Variants in SORBS2 observed in about 807,000 individuals in gnomAD.
The protein encoded by SORBS2 is sorbin and SH3 domain-containing protein 2.
Under a neutral mutation model 97.7 loss-of-function variants are expected in SORBS2, and 46 were observed. That is an observed-to-expected ratio of 0.47 (90% CI 0.37 to 0.60). The LOEUF (loss-of-function observed/expected upper bound fraction) is 0.60. Among genes scored for constraint, SORBS2 ranks in the 20% least tolerant of loss-of-function variants. The probability of loss-of-function intolerance (pLI) is 0.00; values close to 1 mark genes in which losing one functional copy is unlikely to be tolerated. For missense variants in SORBS2, 1,316 were observed against 1,282.3 expected (o/e 1.03, Z -0.40); for synonymous variants, 476 against 473.4 (o/e 1.01, Z -0.07).
chr4:185,893,574 A>G (rs1405778060), intron 1 of SORBS2, among the ~76,000 whole-genome samples: 1 of 152,218 alleles, frequency 6.6e-6, no homozygotes, highest in Non-Finnish European at 1.5e-5. Context: ...CCATAAAACA[A>G]ACTGACAATA....
chr4:185,860,962 G>C (rs74873362), intron 1 of SORBS2, among the ~76,000 whole-genome samples: 2 of 152,150 alleles, frequency 1.3e-5, no homozygotes, highest in South Asian at 4.1e-4. Flanking sequence ...TTCTCTCTTG[G>C]ATCATGGAAA....
At chr4:185,588,600 C>CCTCCTCCCTCCTCCTCCTT (rs2095845591) in intron 14 of SORBS2, among the ~76,000 whole-genome samples, 1 of 150,652 alleles carries the variant, frequency 6.6e-6, no homozygotes, top group African/African-American at 2.4e-5. Context: ...CCTCCCTCCT[C>CCTCCTCCCTCCTCCTCCTT]CTCCTCCCTC....
intron 2 of SORBS2, among the ~76,000 whole-genome samples, chr4:185,698,980 G>A (rs566934876): frequency 7.9e-5 from 12 of 152,078 alleles, no homozygotes; most frequent in African/African-American, 2.7e-4. Context: ...CCTGCTTATT[G>A]TTAATTCACT....
In SORBS2 at chr4:185,613,988, G is replaced by A. The variant is rs868790383; in HGVS notation, c.2595+843C>T. On this transcript the variant is annotated intron_variant, in intron 11 of 14. Coordinates refer to ENST00000418609, the Ensembl canonical transcript of SORBS2. Reference sequence around the variant, plus strand: ...CTGGCTAAGGATTTCACTAGTAGGTGTGGGAGGTCCTAGAGCCACTCTAAA... The same window carrying A: ...CTGGCTAAGGATTTCACTAGTAGGTATGGGAGGTCCTAGAGCCACTCTAAA... 5.9e-5 allele frequency among the ~76,000 whole-genome samples: 9 copies of A among 152,294 alleles called. No individual in the cohort carries two copies. The Middle Eastern group carries it at 0.01, about 173-fold the overall frequency.
chr4:185,678,357 G>A (rs1387542680), intron 4 of SORBS2, 66 bp downstream of exon 7: 2 of 1,312,518 alleles, frequency 1.5e-6, no homozygotes, highest in South Asian at 1.7e-5. Context: ...TAGGAAAGAG[G>A]CTGTAAGCAG....
At chr4:185,641,734 A>AT (rs537724541) in intron 4 of SORBS2, among the ~76,000 whole-genome samples, 170 of 150,130 alleles carry the variant, frequency 1.1e-3, no homozygotes, top group African/African-American at 3.8e-3. Flanking sequence ...CCTTGGTGTG[A>AT]TTTTTTTGTT....
At chr4:185,677,016 T>G in intron 4 of SORBS2, 2 of 1,550,678 alleles carry the variant, frequency 1.3e-6, no homozygotes, top group Non-Finnish European at 1.7e-6. Flanking sequence ...GTCTGAGGAC[T>G]GAGAGGCCGC....
intron 2 of SORBS2, among the ~76,000 whole-genome samples, chr4:185,710,391 A>G (rs1471679357): frequency 6.6e-6 from 1 of 152,258 alleles, no homozygotes; most frequent in Non-Finnish European, 1.5e-5. Flanking sequence ...AAACTTATTC[A>G]AAGTTCAAAG....
At chr4:185,716,600 T>G (rs2153555033) in intron 2 of SORBS2, among the ~76,000 whole-genome samples, 1 of 152,148 alleles carries the variant, frequency 6.6e-6, no homozygotes, top group East Asian at 1.9e-4. Context: ...ATAAATGAGT[T>G]TTTTTTAAGG....
At chr4:185,875,913 A>G (rs2099233347) in intron 1 of SORBS2, among the ~76,000 whole-genome samples, 1 of 152,304 alleles carries the variant, frequency 6.6e-6, no homozygotes, top group Non-Finnish European at 1.5e-5. Flanking sequence ...ATTATTTTTA[A>G]AAGTACCATA....
chr4:185,605,581 C>T (rs1331604320), intron 12 of SORBS2, among the ~76,000 whole-genome samples: 1 of 151,742 alleles, frequency 6.6e-6, no homozygotes, highest in Non-Finnish European at 1.5e-5. Flanking sequence ...CCGCAGCTGG[C>T]CTTAAGTTTC....
chr4:185,877,606 C>T (rs1336618460), intron 1 of SORBS2, among the ~76,000 whole-genome samples: 1 of 152,002 alleles, frequency 6.6e-6, no homozygotes, highest in African/African-American at 2.4e-5. Context: ...GTGGCTCACA[C>T]CTATAATCCC....
chr4:185,832,111 T>C (rs1249588574), intron 1 of SORBS2, among the ~76,000 whole-genome samples: 1 of 152,216 alleles, frequency 6.6e-6, no homozygotes, highest in Admixed American at 6.5e-5. Context: ...TATTAACACT[T>C]GGTAAGGCAG....
intron 12 of SORBS2, among the ~76,000 whole-genome samples, chr4:185,602,297 C>A (rs940583463): frequency 6.6e-6 from 1 of 152,134 alleles, no homozygotes; most frequent in African/African-American, 2.4e-5. Context: ...CATGAGCCAC[C>A]GTGCCCAGCC....
At chr4:185,847,592 G>A (rs1396916142) in intron 1 of SORBS2, among the ~76,000 whole-genome samples, 2 of 152,130 alleles carry the variant, frequency 1.3e-5, no homozygotes, top group Non-Finnish European at 2.9e-5. Flanking sequence ...ATGAGTAAGC[G>A]ACATATGGCA....
intron 3 of SORBS2, among the ~76,000 whole-genome samples, chr4:185,648,809 C>T (rs988775324): frequency 7.2e-5 from 11 of 151,992 alleles, no homozygotes; most frequent in African/African-American, 2.4e-4. Context: ...GGGTTGTTCT[C>T]GGAATCAAAT....
intron 5 of SORBS2, among the ~76,000 whole-genome samples, chr4:185,628,544 G>C (rs1014924663): frequency 2.4e-4 from 36 of 152,200 alleles, no homozygotes; most frequent in African/African-American, 8.4e-4. Flanking sequence ...TCAAGGTCAG[G>C]AGTTTGAGAC....
intron 2 of SORBS2, among the ~76,000 whole-genome samples, chr4:185,714,646 C>G (rs1183896141): frequency 1.3e-5 from 2 of 148,668 alleles, no homozygotes; most frequent in African/African-American, 5.2e-5. Flanking sequence ...CTGGGGAGGC[C>G]TCACCGTCAT....
intron 2 of SORBS2, among the ~76,000 whole-genome samples, chr4:185,679,926 T>C (rs941702643): frequency 2.0e-5 from 3 of 152,210 alleles, no homozygotes; most frequent in African/African-American, 7.2e-5. Context: ...ATGGGTTCTT[T>C]CCAAATCAAA....
Sources: allele counts gnomAD v4.1 joint callset (sites outside exome capture counted in the v4.1 genomes callset), GRCh38; gene constraint gnomAD v4.1.1; transcripts MANE v1.5; gene names NCBI Gene and HGNC (gene_info 2026-07-23, HGNC 2026-07-21).